Variants in EPS15 observed in about 807,000 individuals in gnomAD.
The protein encoded by EPS15 is epidermal growth factor receptor substrate 15.
EPS15 carries 72 observed loss-of-function variants against 113.8 expected under a neutral mutation model. The observed-to-expected ratio is 0.63, with a 90% CI of 0.52 to 0.77. EPS15 has a LOEUF of 0.77. Among genes scored for constraint, EPS15 ranks in the 30% least tolerant of loss-of-function variants. The pLI, the probability that EPS15 is intolerant of heterozygous loss-of-function variation, is 0.00. For missense variants in EPS15, 1,048 were observed against 1,045.8 expected (o/e 1.00, Z -0.03); for synonymous variants, 344 against 363.4 (o/e 0.95, Z 0.61).
chr1:51,369,175 C>G (rs539368574), intron 21 of EPS15, among the ~76,000 whole-genome samples: 1 of 152,250 alleles, frequency 6.6e-6, no homozygotes, highest in South Asian at 2.1e-4. Context: ...TATATAGTAC[C>G]TTACTAAAGA....
At chr1:51,361,431 A>G in intron 23 of EPS15, 76 bp from the exon 24 acceptor site, 4 of 1,116,942 alleles carry the variant, frequency 3.6e-6, no homozygotes, top group Non-Finnish European at 5.3e-6. Flanking sequence ...GTACACAGAT[A>G]GCATTAAAGT....
intron 1 of EPS15, among the ~76,000 whole-genome samples, chr1:51,487,776 C>T (rs368577769): frequency 2.7e-3 from 418 of 152,244 alleles, no homozygotes; most frequent in Middle Eastern, 6.8e-3. Flanking sequence ...AAAGTACACC[C>T]TGTGCTGATA....
At chr1:51,449,272 G>C (rs980386505) in intron 8 of EPS15, among the ~76,000 whole-genome samples, 9 of 152,032 alleles carry the variant, frequency 5.9e-5, no homozygotes, top group African/African-American at 2.2e-4. Context: ...AAAACAACAA[G>C]ATCATGTCCT....
intron 24 of EPS15, among the ~76,000 whole-genome samples, chr1:51,359,957 C>G (rs1192428988): frequency 1.3e-5 from 2 of 151,618 alleles, no homozygotes; most frequent in Non-Finnish European, 2.9e-5. Context: ...GGCTGAAGTA[C>G]AGTGGCATGA....
chr1:51,471,343 T>G (rs1337638757), intron 4 of EPS15, among the ~76,000 whole-genome samples: 2 of 152,234 alleles, frequency 1.3e-5, no homozygotes, highest in Admixed American at 6.5e-5. Context: ...ACCAAGAGTT[T>G]CCTTTCAAAT....
chr1:51,468,504 C>G lies in EPS15; in HGVS notation c.278G>C (p.Ser93Thr). 7 of 1,613,074 alleles carry G rather than the reference C, an allele frequency of 4.3e-6. No individual in the cohort carries two copies. Among genetic ancestry groups the G allele is most frequent in the Non-Finnish European group, 5.9e-6 (7 of 1,179,106 alleles). Residue 93 changes from serine to threonine, a missense_variant, in exon 5 of 25, where the codon AGT becomes ACT. Ser to Thr is a moderately conservative substitution (Grantham distance 58). Transcript: ENST00000371733. ...TGGTGGAGGAACAGCCAGGTTCAAA[C>G]TACTTAGTGAAACTTCCAATCCATT... Reference protein sequence around the residue: ...AQNGLEVSLSSLNLAVPPPRF... With the variant: ...AQNGLEVSLSTLNLAVPPPRF...
chr1:51,486,927 C>T (rs1019518297), intron 1 of EPS15, among the ~76,000 whole-genome samples: 13 of 152,066 alleles, frequency 8.5e-5, no homozygotes, highest in Non-Finnish European at 1.8e-4. Flanking sequence ...GCCTCGGCCT[C>T]CGAAAATGCT....
rs1315799241 is a variant in EPS15 at position 51,387,512 on chromosome 1, GACAC to G, written c.2119+6865_2119+6868del. ...AATGGACTAAATGCTCCAATTAAAA[GACAC>G]AGACTGGCAAGTTGGATAAAGAGTC... On this transcript the variant is annotated intron_variant, in intron 21 of 24. Coordinates refer to ENST00000371733, the MANE Select transcript of EPS15 (RefSeq NM_001981.3). 8.5e-5 allele frequency among the ~76,000 whole-genome samples: 13 copies of G among 152,234 alleles called. No homozygotes were observed. In the South Asian group the frequency reaches 2.5e-3, roughly 29 times the overall value.
intron 1 of EPS15, among the ~76,000 whole-genome samples, chr1:51,503,461 TCTA>T (rs1644447369): frequency 6.6e-6 from 1 of 152,030 alleles, no homozygotes; most frequent in Non-Finnish European, 1.5e-5. Context: ...CATGGTCTAC[TCTA>T]CTAAACATCT....
chr1:51,504,207 G>T (rs971795293), intron 1 of EPS15, among the ~76,000 whole-genome samples: 1 of 152,128 alleles, frequency 6.6e-6, no homozygotes, highest in African/African-American at 2.4e-5. Context: ...AGGAGTTCAA[G>T]ACCAGCCTGG....
At chr1:51,361,525 T>A in intron 23 of EPS15, among the ~76,000 whole-genome samples, 170 bp from the exon 24 acceptor site, 1 of 152,296 alleles carries the variant, frequency 6.6e-6, no homozygotes, top group Admixed American at 6.5e-5. Context: ...GTCCTCAAAT[T>A]CTTCACACAT....
chr1:51,511,389 G>A (rs753260950), intron 1 of EPS15, among the ~76,000 whole-genome samples: 2 of 151,656 alleles, frequency 1.3e-5, no homozygotes, highest in Non-Finnish European at 2.9e-5. Flanking sequence ...CCAGCTACTC[G>A]GGAGGCTGAG....
intron 8 of EPS15, among the ~76,000 whole-genome samples, chr1:51,451,505 A>AG (rs1553128774): frequency 7.6e-4 from 112 of 147,606 alleles, no homozygotes; most frequent in Non-Finnish European, 1.4e-3. Flanking sequence ...AAAAAAAAAA[A>AG]AAAGAAAGAA....
intron 12 of EPS15, among the ~76,000 whole-genome samples, chr1:51,431,611 A>G (rs1294084773): frequency 2.0e-5 from 3 of 151,742 alleles, no homozygotes; most frequent in Non-Finnish European, 4.4e-5. Flanking sequence ...ACGCCCGACT[A>G]ATTTTTGTAT....
chr1:51,399,330 C>T (rs1323561454), intron 19 of EPS15, among the ~76,000 whole-genome samples, 165 bp from the exon 20 acceptor site: 1 of 148,954 alleles, frequency 6.7e-6, no homozygotes, highest in Non-Finnish European at 1.5e-5. Flanking sequence ...ACAGGCAGAT[C>T]ACTTGAGGTC....
At chr1:51,400,537 A>T (rs1648413439) in intron 19 of EPS15, among the ~76,000 whole-genome samples, 1 of 151,732 alleles carries the variant, frequency 6.6e-6, no homozygotes, top group South Asian at 2.1e-4. Context: ...TCTACAAAAA[A>T]TAAAAAAAAA....
intron 12 of EPS15, chr1:51,423,183 TGA>T (rs1345568021): frequency 2.3e-6 from 3 of 1,286,956 alleles, no homozygotes; most frequent in Non-Finnish European, 3.0e-6. Context: ...TTTAAACATT[TGA>T]GATGGCCAAG....
chr1:51,428,545 G>A (rs1341350515), intron 12 of EPS15, among the ~76,000 whole-genome samples: 1 of 152,044 alleles, frequency 6.6e-6, no homozygotes, highest in African/African-American at 2.4e-5. Context: ...GGTGAGAATG[G>A]GCCAGGTGCA....
At position 51,448,053 on chromosome 1, in the gene EPS15, C is replaced by G. The variant is rs1296504774; in HGVS notation, c.644G>C (p.Arg215Thr). The G allele has an allele frequency of 1.2e-6, 2 of 1,613,622 alleles. No homozygotes were observed. Among genetic ancestry groups the G allele is most frequent in the African/African-American group, 2.7e-5 (2 of 75,004 alleles). Reference sequence around the variant, plus strand: ...AGAGCCTGATATACTGACCGTTTTTCTCTTAGATGGTGGCACCAAGGCTGG... The same window carrying G: ...AGAGCCTGATATACTGACCGTTTTTGTCTTAGATGGTGGCACCAAGGCTGG... ...LPPALVPPSK[R>T]KTWVVSPAEK... The change falls in exon 9 of 25, where the codon AGA (arginine) becomes ACA (threonine). Residue 215 changes from arginine to threonine, a missense_variant. Transcript: ENST00000371733.
Sources: allele counts gnomAD v4.1 joint callset (sites outside exome capture counted in the v4.1 genomes callset), GRCh38; gene constraint gnomAD v4.1.1; transcripts MANE v1.5; gene names NCBI Gene and HGNC (gene_info 2026-07-23, HGNC 2026-07-21).